NAA16: variants seen among roughly 807,000 people sequenced by gnomAD.
The protein encoded by NAA16 is NARG1-like protein.
In NAA16, 97 loss-of-function variants were observed where a neutral mutation model predicts 110.3. The observed-to-expected ratio is 0.88, with a 90% CI of 0.75 to 1.04. The LOEUF (loss-of-function observed/expected upper bound fraction) is 1.04, where lower values mean the gene tolerates loss of function less well. Ranked by LOEUF, NAA16 falls within the 50% of genes least tolerant of loss-of-function variation. NAA16 has a pLI of 0.00. For synonymous variants in NAA16, 372 were observed against 330.6 expected, an observed-to-expected ratio of 1.13 and a Z score of -1.36; for missense variants, 1,017 against 1,005.1, an observed-to-expected ratio of 1.01 and a Z score of -0.16.
chr13:41,335,525 T>G (rs989284363), intron 8 of NAA16, among the ~76,000 whole-genome samples: 2 of 152,204 alleles, frequency 1.3e-5, no homozygotes, highest in African/African-American at 4.8e-5. Flanking sequence ...TTTTTGATTT[T>G]TAAAGAAGCA....
chr13:41,341,838 T>TA (rs1279455612), intron 9 of NAA16, among the ~76,000 whole-genome samples: 1 of 150,820 alleles, frequency 6.6e-6, no homozygotes, highest in South Asian at 2.1e-4. Context: ...GACCAAACCT[T>TA]TTTTTTTTTT....
intron 12 of NAA16, among the ~76,000 whole-genome samples, chr13:41,360,457 C>T (rs1869391362): frequency 6.6e-6 from 1 of 152,076 alleles, no homozygotes; most frequent in Admixed American, 6.6e-5. Context: ...AAACAGAAAG[C>T]CCAGTGACAC....
chr13:41,372,653 C>A, intron 16 of NAA16, 79 bp from the exon 17 acceptor site: 2 of 1,398,688 alleles, frequency 1.4e-6, no homozygotes, highest in Non-Finnish European at 9.4e-7. Flanking sequence ...TGTTGTTGAA[C>A]TTAAGTGAGA....
intron 6 of NAA16, among the ~76,000 whole-genome samples, chr13:41,326,349 C>T (rs866109176): frequency 2.0e-5 from 3 of 152,136 alleles, no homozygotes; most frequent in Admixed American, 1.3e-4. Flanking sequence ...GAGCTTTGCT[C>T]ATTAATTCCC....
At chr13:41,351,440 GGTAAA>G (rs2042832553) in intron 9 of NAA16, among the ~76,000 whole-genome samples, 1 of 152,154 alleles carries the variant, frequency 6.6e-6, no homozygotes, top group South Asian at 2.1e-4. Context: ...GGTCCTTGCT[GGTAAA>G]GTAGTGTACT....
intron 4 of NAA16, among the ~76,000 whole-genome samples, chr13:41,322,766 AT>A (rs1222021973): frequency 1.3e-5 from 2 of 152,030 alleles, no homozygotes; most frequent in African/African-American, 2.4e-5. Context: ...CTTACAGAAT[AT>A]TTAGTTACCA....
In NAA16 at chr13:41,358,795, A is replaced by T; in HGVS notation, c.1258-15A>T. On this transcript the variant is annotated splice_polypyrimidine_tract_variant and intron_variant, in intron 11 of 19. Coordinates refer to ENST00000379406, the MANE Select transcript of NAA16 (RefSeq NM_024561.5). ...CTTGATTATAAATTGTGGTTCCTTTAATTATCTTTTATAGCATATAGGTAA... is the reference window on the plus strand; with the variant it reads ...CTTGATTATAAATTGTGGTTCCTTTTATTATCTTTTATAGCATATAGGTAA... The T allele has an allele frequency of 1.3e-6, 2 of 1,551,912 alleles. No homozygotes were observed. Among genetic ancestry groups the T allele is most frequent in the Non-Finnish European group, 1.7e-6 (2 of 1,149,210 alleles).
chr13:41,365,818 G>T (rs572025451), intron 13 of NAA16, among the ~76,000 whole-genome samples: 1 of 152,230 alleles, frequency 6.6e-6, no homozygotes, highest in South Asian at 2.1e-4. Context: ...TCCAAGACTT[G>T]ACTTAAAATC....
chr13:41,312,527 A>C (rs2041651315), intron 1 of NAA16, among the ~76,000 whole-genome samples: 1 of 152,176 alleles, frequency 6.6e-6, no homozygotes, highest in Non-Finnish European at 1.5e-5. Context: ...GTTAGTAGGT[A>C]ACTGTCTTTT....
intron 5 of NAA16, 128 bp from the exon 6 acceptor site, chr13:41,325,570 G>A (rs1189802145): frequency 2.0e-6 from 1 of 494,728 alleles, no homozygotes; most frequent in African/African-American, 2.0e-5. Flanking sequence ...TCACTCTTCT[G>A]TTTGTATCTG....
At chr13:41,331,454 T>A in intron 8 of NAA16, 85 bp downstream of exon 8, 2 of 1,009,110 alleles carry the variant, frequency 2.0e-6, no homozygotes, top group Non-Finnish European at 1.5e-6. Flanking sequence ...GTTTCTGGTA[T>A]AGAGTTTATG....
At chr13:41,333,970 G>A (rs2042310186) in intron 8 of NAA16, among the ~76,000 whole-genome samples, 1 of 151,946 alleles carries the variant, frequency 6.6e-6, no homozygotes. Flanking sequence ...GGGTCTGATG[G>A]CATAGGCTTT....
At chr13:41,340,230 G>A (rs2042499460) in intron 9 of NAA16, among the ~76,000 whole-genome samples, 1 of 152,088 alleles carries the variant, frequency 6.6e-6, no homozygotes. Flanking sequence ...GCCAGTCTTT[G>A]AGTGAGGCTT....
Position 41,358,956 on chromosome 13 carries a change from C to A in NAA16, c.1404C>A (p.Phe468Leu). Residue 468 changes from phenylalanine to leucine, a missense_variant, in exon 12 of 20, where the codon TTC becomes TTA. By Grantham distance (22) the Phe-to-Leu change is conservative. Coordinates refer to ENST00000379406, the MANE Select transcript of NAA16 (RefSeq NM_024561.5). ...IKEAEEMCSK[F>L]TREGTSAMEN... ...AAGCAGAGGAAATGTGCTCCAAGTTCACAAGGGTAGGAAATAGCATGCATG... is the reference window on the plus strand; with the variant it reads ...AAGCAGAGGAAATGTGCTCCAAGTTAACAAGGGTAGGAAATAGCATGCATG... The A allele has an allele frequency of 6.2e-7, 1 of 1,603,850 alleles. No homozygotes were observed. The highest frequency in any genetic ancestry group is 1.1e-5 in the South Asian group (1 of 89,706).
chr13:41,311,475 A>G lies in NAA16; in HGVS notation c.-54A>G, dbSNP rs1335224362. The G allele has an allele frequency of 1.3e-6, 2 of 1,541,340 alleles. No individual in the cohort carries two copies. The highest frequency in any genetic ancestry group is 1.4e-5 in the African/African-American group (1 of 72,984). On this transcript the variant is annotated 5_prime_UTR_variant, in exon 1 of 20. Transcript: ENST00000379406. Reference sequence around the variant, plus strand: ...CCCGGTGCCCACCCCCGCGAAGCGGAGCGCCCGGGCACCTAGCCTCCCTGC... The same window carrying G: ...CCCGGTGCCCACCCCCGCGAAGCGGGGCGCCCGGGCACCTAGCCTCCCTGC...
chr13:41,333,722 A>T (rs930074472), intron 8 of NAA16, among the ~76,000 whole-genome samples: 2 of 152,146 alleles, frequency 1.3e-5, no homozygotes, highest in African/African-American at 4.8e-5. Context: ...CTCATTTGGA[A>T]CATGGGGCTT....
chr13:41,363,750 C>T (rs2043157545), intron 13 of NAA16, among the ~76,000 whole-genome samples: 1 of 152,062 alleles, frequency 6.6e-6, no homozygotes, highest in South Asian at 2.1e-4. Flanking sequence ...AATCATCACC[C>T]TCTGGTCATG....
chr13:41,339,430 C>T (rs993234211), intron 9 of NAA16, among the ~76,000 whole-genome samples: 2 of 151,826 alleles, frequency 1.3e-5, no homozygotes, highest in Non-Finnish European at 2.9e-5. Flanking sequence ...TGAGCCACCG[C>T]GCCTGGCCGA....
At chr13:41,358,186 C>T in intron 10 of NAA16, 118 bp from the exon 11 acceptor site, 1 of 862,022 alleles carries the variant, frequency 1.2e-6, no homozygotes, top group South Asian at 2.1e-5. Flanking sequence ...GTAGTTTTTG[C>T]TGAGTCTTTC....
Sources: gnomAD v4.1 joint callset for allele counts (sites outside exome capture counted in the v4.1 genomes callset) on GRCh38, gnomAD v4.1.1 for gene constraint, MANE v1.5 for transcripts, NCBI Gene and HGNC (gene_info 2026-07-23, HGNC 2026-07-21) for gene names.